The following IL20RA variants were observed in gnomAD, a reference collection of about 807,000 sequenced individuals.
IL20RA encodes the protein interleukin 20 receptor subunit alpha, also known as interleukin-20 receptor subunit alpha.
In IL20RA, 29 loss-of-function variants were observed where a neutral mutation model predicts 36.5. That is an observed-to-expected ratio of 0.79 (90% confidence interval 0.59 to 1.08). IL20RA has a LOEUF of 1.08. IL20RA is among the 50% of genes least tolerant of loss of function. The pLI is 0.00. For synonymous variants in IL20RA, 279 were observed against 267.1 expected (o/e 1.04, Z -0.43); for missense variants, 652 against 668.4 (o/e 0.98, Z 0.27).
At chr6:137,004,169 T>TTTTTG (rs1775186608) in intron 6 of IL20RA, among the ~76,000 whole-genome samples, 2 of 128,770 alleles carry the variant, frequency 1.6e-5, no homozygotes, top group African/African-American at 6.2e-5. Context: ...CTTTTTTTTT[T>TTTTTG]TTTTTTTTTT....
rs1582820238 is a variant in IL20RA, at chr6:137,009,473, C to T, written c.423G>A (p.Glu141=). 2 of 1,611,266 alleles carry T rather than the reference C, an allele frequency of 1.2e-6. No individual in the cohort carries two copies. The highest frequency in any genetic ancestry group is 2.2e-5 in the South Asian group (2 of 91,004). The change falls in exon 4 of 7, where the codon GAG becomes GAA. Residue 141 remains glutamate (E), a synonymous_variant. Coordinates refer to ENST00000316649, the MANE Select transcript of IL20RA (RefSeq NM_014432.4). ...PFLETQIGPP[E]VALTTDEKSI... ...ACTTCTCATCTGTAGTCAGTGCCAC[C>T]TCTGGTGGGCCAATTTGTGCTTAAA...
intron 1 of IL20RA, among the ~76,000 whole-genome samples, chr6:137,025,682 T>C (rs577701697): frequency 7.4e-4 from 112 of 152,350 alleles, no homozygotes; most frequent in African/African-American, 2.1e-3. Flanking sequence ...AGCTGCTACA[T>C]TTGTTCTAAG....
intron 1 of IL20RA, among the ~76,000 whole-genome samples, chr6:137,034,152 C>T (rs1267108281): frequency 3.3e-5 from 5 of 152,162 alleles, no homozygotes; most frequent in African/African-American, 7.2e-5. Flanking sequence ...CAGTGTCCTA[C>T]AGTCACAAAA....
At chr6:137,021,251 A>G (rs1775893157) in intron 1 of IL20RA, among the ~76,000 whole-genome samples, 2 of 152,162 alleles carry the variant, frequency 1.3e-5, no homozygotes, top group Non-Finnish European at 1.5e-5. Flanking sequence ...TTCTTACTAC[A>G]GAGAGGTTTG....
Position 137,001,271 on chromosome 6 carries a change from C to G in IL20RA, c.*287G>C. 3.5e-6 allele frequency: 1 copy of G among 282,160 alleles called. No homozygotes were observed. The highest frequency in any genetic ancestry group is 6.4e-5 in the East Asian group (1 of 15,710). 17.5% of individuals were successfully genotyped at this position (282,160 alleles called of 1,614,324 possible). A position where few individuals can be genotyped will look rare whatever the true frequency, so the allele number is the denominator to read the frequency against. On this transcript the variant is annotated 3_prime_UTR_variant, in exon 7 of 7. Coordinates refer to ENST00000316649, the MANE Select transcript of IL20RA (RefSeq NM_014432.4). ...GAACCAAGAGGCCAGAGTACACCCA[C>G]CTGAATAAATTCTGCACCCAGTCTG...
chr6:137,043,671 C>G (rs775276997), intron 1 of IL20RA, among the ~76,000 whole-genome samples: 1 of 152,182 alleles, frequency 6.6e-6, no homozygotes, highest in African/African-American at 2.4e-5. Flanking sequence ...ACTCCAGATT[C>G]ACCGTCAACT....
chr6:137,031,048 C>G (rs949688050), intron 1 of IL20RA, among the ~76,000 whole-genome samples: 13 of 152,174 alleles, frequency 8.5e-5, no homozygotes, highest in African/African-American at 3.1e-4. Context: ...TTAACAATAA[C>G]TATTGTTATT....
chr6:137,023,004 C>T (rs531956756), intron 1 of IL20RA, among the ~76,000 whole-genome samples: 4 of 152,228 alleles, frequency 2.6e-5, no homozygotes, highest in African/African-American at 4.8e-5. Flanking sequence ...TAAAGCAAAC[C>T]GGTGGTACTT....
At position 137,017,054 on chromosome 6, in the gene IL20RA, T is replaced by G. The variant is rs1331764419; in HGVS notation, c.138A>C (p.Leu46Phe). ...GTAGGACATTCTTCATGTTGATGGA[T>G]AAGAAGGTGATGTTTGCAGGTTTAG... ...GLPKPANITF[L>F]SINMKNVLQW... Residue 46 changes from leucine (L) to phenylalanine (F), a missense_variant, in exon 2 of 7, where the codon TTA becomes TTC. By Grantham distance (22) the Leu-to-Phe change is conservative. Transcript: ENST00000316649. 6.2e-7 allele frequency: 1 copy of G among 1,613,050 alleles called. No individual in the cohort carries two copies. The highest frequency in any genetic ancestry group is 1.3e-5 in the African/African-American group (1 of 74,866).
At chr6:137,032,046 C>G (rs1776307193) in intron 1 of IL20RA, among the ~76,000 whole-genome samples, 1 of 115,866 alleles carries the variant, frequency 8.6e-6, no homozygotes, top group South Asian at 2.8e-4. Context: ...GAGCAAGATT[C>G]TGTCTCAAAA....
At chr6:137,023,361 G>T (rs1775975500) in intron 1 of IL20RA, among the ~76,000 whole-genome samples, 2 of 152,122 alleles carry the variant, frequency 1.3e-5, no homozygotes. Flanking sequence ...TGGCCAAGAT[G>T]AAATCTAAGG....
At chr6:137,002,672 A>G (rs531656402) in intron 6 of IL20RA, among the ~76,000 whole-genome samples, 2 of 152,324 alleles carry the variant, frequency 1.3e-5, no homozygotes, top group African/African-American at 4.8e-5. Flanking sequence ...CCTTTTTTAC[A>G]TTCTGTAAAG....
At chr6:137,025,959 T>C (rs1439542668) in intron 1 of IL20RA, among the ~76,000 whole-genome samples, 1 of 152,202 alleles carries the variant, frequency 6.6e-6, no homozygotes. Context: ...ACCCAACCTC[T>C]CTTTTGTGGC....
intron 2 of IL20RA, among the ~76,000 whole-genome samples, chr6:137,012,426 C>T (rs1775532509): frequency 6.6e-6 from 1 of 152,040 alleles, no homozygotes; most frequent in Admixed American, 6.5e-5. Flanking sequence ...AGCACTGAGA[C>T]AGAACAGATT....
At chr6:137,019,796 T>A (rs1321408389) in intron 1 of IL20RA, among the ~76,000 whole-genome samples, 1 of 152,236 alleles carries the variant, frequency 6.6e-6, no homozygotes, top group African/African-American at 2.4e-5. Flanking sequence ...TAAAAAATAA[T>A]GTTCTTATGC....
intron 5 of IL20RA, among the ~76,000 whole-genome samples, chr6:137,007,200 T>C (rs1361577937): frequency 6.6e-6 from 1 of 152,218 alleles, no homozygotes; most frequent in African/African-American, 2.4e-5. Context: ...CAAATACAAA[T>C]GCGATTTCTT....
chr6:137,003,229 C>G (rs145224914), intron 6 of IL20RA, among the ~76,000 whole-genome samples: 87 of 152,308 alleles, frequency 5.7e-4, no homozygotes, highest in South Asian at 1.2e-3. Flanking sequence ...AACTCTGAAA[C>G]CTGAATGCAG....
At chr6:137,013,655 CATTA>C (rs1775570783) in intron 2 of IL20RA, among the ~76,000 whole-genome samples, 1 of 152,096 alleles carries the variant, frequency 6.6e-6, no homozygotes, top group Non-Finnish European at 1.5e-5. Context: ...TATTTTTTTG[CATTA>C]ATTGTTTTGG....
chr6:137,021,143 A>T (rs1172873188), intron 1 of IL20RA, among the ~76,000 whole-genome samples: 1 of 150,452 alleles, frequency 6.6e-6, no homozygotes, highest in Non-Finnish European at 1.5e-5. Context: ...TCGACATTTT[A>T]TTTTCAGAAA....
Sources: allele counts gnomAD v4.1 joint callset (sites outside exome capture counted in the v4.1 genomes callset), GRCh38; gene constraint gnomAD v4.1.1; transcripts MANE v1.5; gene names NCBI Gene and HGNC (gene_info 2026-07-23, HGNC 2026-07-21).